Variants in NBEA observed in about 807,000 individuals in gnomAD.
NBEA encodes lysosomal-trafficking regulator 2.
Under a neutral mutation model 343.4 loss-of-function variants are expected in NBEA, and 44 were observed. That is an observed-to-expected ratio of 0.13 (90% confidence interval 0.10 to 0.16). The LOEUF is 0.16. Ranked by LOEUF, NBEA falls within the 10% of genes least tolerant of loss-of-function variation. The pLI, the probability that NBEA is intolerant of heterozygous loss-of-function variation, is 1.00. For missense variants in NBEA, 2,555 were observed against 3,631.3 expected (o/e 0.70, Z 7.62); for synonymous variants, 1,175 against 1,238.7 (o/e 0.95, Z 1.08).
chr13:35,365,131 G>C (rs1302283278), intron 38 of NBEA, among the ~76,000 whole-genome samples: 1 of 151,638 alleles, frequency 6.6e-6, no homozygotes, highest in Non-Finnish European at 1.5e-5. Flanking sequence ...CATCATTTCT[G>C]ATGCATTTTT....
At chr13:35,122,250 G>A (rs1471851621) in intron 16 of NBEA, among the ~76,000 whole-genome samples, 1 of 152,076 alleles carries the variant, frequency 6.6e-6, no homozygotes, top group Non-Finnish European at 1.5e-5. Flanking sequence ...AAATCATGCT[G>A]CTGTAAAGAC....
intron 52 of NBEA, among the ~76,000 whole-genome samples, chr13:35,651,358 G>C (rs961522255): frequency 2.6e-5 from 4 of 151,258 alleles, no homozygotes; most frequent in African/African-American, 9.7e-5. Flanking sequence ...CCAGGTGAGC[G>C]CAGGCTCATA....
chr13:35,667,228 C>T (rs2085400074), intron 56 of NBEA, 146 bp from the exon 57 acceptor site: 1 of 632,468 alleles, frequency 1.6e-6, no homozygotes, highest in African/African-American at 1.8e-5. Context: ...AATGTAGCAT[C>T]AGCGCTTGGC....
intron 45 of NBEA, among the ~76,000 whole-genome samples, chr13:35,582,158 C>A (rs988038610): frequency 6.6e-6 from 1 of 151,746 alleles, no homozygotes; most frequent in African/African-American, 2.4e-5. Context: ...TGGTGGCGGG[C>A]GCCTGTAGTC....
intron 36 of NBEA, among the ~76,000 whole-genome samples, chr13:35,314,459 C>G (rs2037582876): frequency 6.6e-6 from 1 of 152,086 alleles, no homozygotes; most frequent in Non-Finnish European, 1.5e-5. Context: ...CCTTCCTACC[C>G]CTAATCTGGA....
At chr13:35,220,183 TAC>T (rs1456762769) in intron 33 of NBEA, among the ~76,000 whole-genome samples, 3 of 152,202 alleles carry the variant, frequency 2.0e-5, no homozygotes, top group Non-Finnish European at 4.4e-5. Flanking sequence ...TTTGCAGACA[TAC>T]ATGTACATAT....
At chr13:35,355,109 A>G (rs1245815763) in intron 38 of NBEA, among the ~76,000 whole-genome samples, 1 of 152,116 alleles carries the variant, frequency 6.6e-6, no homozygotes, top group African/African-American at 2.4e-5. Context: ...CTGCCACAAA[A>G]TATATCCAGC....
At chr13:35,156,359 C>T (rs1397662833) in intron 20 of NBEA, among the ~76,000 whole-genome samples, 153 bp downstream of exon 20, 2 of 151,652 alleles carry the variant, frequency 1.3e-5, no homozygotes, top group South Asian at 2.1e-4. Flanking sequence ...AATCTGTATT[C>T]GGTATTCTTC....
intron 41 of NBEA, among the ~76,000 whole-genome samples, chr13:35,505,092 A>C (rs1293288896): frequency 6.6e-6 from 1 of 152,100 alleles, no homozygotes; most frequent in Non-Finnish European, 1.5e-5. Context: ...TCAGAATTCA[A>C]AATAACATTT....
intron 31 of NBEA, among the ~76,000 whole-genome samples, chr13:35,201,529 T>C (rs184579706): frequency 4.1e-4 from 62 of 152,160 alleles, no homozygotes; most frequent in Non-Finnish European, 4.0e-4. Context: ...AAGATACATA[T>C]TTAACATCCA....
At chr13:35,395,498 A>G (rs2042701975) in intron 38 of NBEA, among the ~76,000 whole-genome samples, 1 of 151,854 alleles carries the variant, frequency 6.6e-6, no homozygotes, top group African/African-American at 2.4e-5. Context: ...AGCCTACAGA[A>G]CTGTGAGCTA....
At chr13:35,157,444 A>G (rs142170062) in intron 21 of NBEA, among the ~76,000 whole-genome samples, 174 bp downstream of exon 21, 1 of 152,238 alleles carries the variant, frequency 6.6e-6, no homozygotes, top group African/African-American at 2.4e-5. Context: ...AAAGTGGCTT[A>G]TAGATGAATT....
At position 35,196,193 on chromosome 13, in the gene NBEA, G is replaced by C. The variant is rs1315495138; in HGVS notation, c.5257G>C (p.Ala1753Pro). 1 of 1,613,638 alleles carries C rather than the reference G, an allele frequency of 6.2e-7. No individual in the cohort carries two copies. Among genetic ancestry groups the C allele is most frequent in the Admixed American group, 1.7e-5 (1 of 59,990 alleles). ...GGAAATACTGAAAAGTCTTGTGGCTGCTCCAGTTGAAATAGCAGAATGTGG... is the reference window on the plus strand; with the variant it reads ...GGAAATACTGAAAAGTCTTGTGGCTCCTCCAGTTGAAATAGCAGAATGTGG... ...VKEILKSLVA[A>P]PVEIAECGPE... The change falls in exon 31 of 59, where the codon GCT becomes CCT. Residue 1753 changes from alanine to proline, a missense_variant. Ala to Pro is a conservative substitution (Grantham distance 27, BLOSUM62 -1). Coordinates refer to ENST00000379939, the MANE Select transcript of NBEA (RefSeq NM_001385012.1).
intron 36 of NBEA, among the ~76,000 whole-genome samples, chr13:35,326,534 T>C (rs2038570333): frequency 6.6e-6 from 1 of 152,084 alleles, no homozygotes; most frequent in Non-Finnish European, 1.5e-5. Context: ...AGGAGCCTTT[T>C]GGCAGAGTCT....
intron 24 of NBEA, chr13:35,164,948 A>G (rs2069872775): frequency 2.6e-6 from 1 of 383,816 alleles, no homozygotes; most frequent in African/African-American, 2.1e-5. Context: ...TTAATTGTGT[A>G]TGTCATTTAA....
intron 33 of NBEA, among the ~76,000 whole-genome samples, chr13:35,226,953 G>T (rs201921702): frequency 6.6e-6 from 1 of 151,902 alleles, no homozygotes; most frequent in Non-Finnish European, 1.5e-5. Context: ...TTTTGTTTAC[G>T]ATATAAAGCA....
At chr13:35,203,058 C>A (rs1364256217) in intron 31 of NBEA, among the ~76,000 whole-genome samples, 1 of 152,148 alleles carries the variant, frequency 6.6e-6, no homozygotes, top group African/African-American at 2.4e-5. Flanking sequence ...GTATTGTAGT[C>A]TCCTAGCCAT....
intron 41 of NBEA, among the ~76,000 whole-genome samples, chr13:35,522,299 C>G (rs2077755158): frequency 6.6e-6 from 1 of 151,590 alleles, no homozygotes; most frequent in South Asian, 2.1e-4. Flanking sequence ...GAAACCCTGT[C>G]TCTACTAAAA....
At chr13:35,602,783 T>A (rs1379678481) in intron 47 of NBEA, among the ~76,000 whole-genome samples, 1 of 152,176 alleles carries the variant, frequency 6.6e-6, no homozygotes, top group African/African-American at 2.4e-5. Context: ...CTAGCCCCAG[T>A]TAGGGCCTCC....
Sources: allele counts gnomAD v4.1 joint callset (sites outside exome capture counted in the v4.1 genomes callset), GRCh38; gene constraint gnomAD v4.1.1; transcripts MANE v1.5; gene names NCBI Gene and HGNC (gene_info 2026-07-23, HGNC 2026-07-21).